TSC1: variants seen among roughly 807,000 people sequenced by gnomAD.
TSC1 encodes TSC complex subunit 1.
TSC1 carries 20 observed loss-of-function variants against 124.3 expected under a neutral mutation model. The ratio of observed to expected loss-of-function variants is 0.16; its 90% CI spans 0.11 to 0.23. The LOEUF (loss-of-function observed/expected upper bound fraction) is 0.23. Among genes scored for constraint, TSC1 ranks in the 10% least tolerant of loss-of-function variants. TSC1 has a pLI of 1.00. For synonymous variants in TSC1, 493 were observed against 539.1 expected (o/e 0.91, Z 1.19); for missense variants, 1,124 against 1,448.5 (o/e 0.78, Z 3.64).
chr9:132,903,118 T>C lies in TSC1; in HGVS notation c.2209-331A>G, dbSNP rs1167150651. On this transcript the variant is annotated intron_variant, in intron 17 of 22. Coordinates refer to ENST00000298552, the MANE Select transcript of TSC1 (RefSeq NM_000368.5). This position sits in a 1 kb window ranked among gnomAD's most constrained non-coding sequence, Gnocchi z 5.9. ...ACTGAAACGATGAGCATTTACTGAA[T>C]GCTTGCAGTGTGCTGGGCGCTCAGC... Among the ~76,000 whole-genome samples the C allele has an allele frequency of 2.0e-5, 3 of 152,228 alleles. No individual in the cohort carries two copies. The highest frequency in any genetic ancestry group is 1.3e-4 in the Admixed American group (2 of 15,290).
At position 132,892,646 on chromosome 9, in the gene TSC1, G is replaced by T. The variant is rs1258153183; in HGVS notation, c.*3589C>A. ...CTCCTCCCACCTCTTAGTGCTTTCAGCGAGAAAAGGTGAGTCTCATTACGC... is the reference window on the plus strand; with the variant it reads ...CTCCTCCCACCTCTTAGTGCTTTCATCGAGAAAAGGTGAGTCTCATTACGC... On this transcript the variant is annotated 3_prime_UTR_variant, in exon 23 of 23. Coordinates refer to ENST00000298552, the MANE Select transcript of TSC1 (RefSeq NM_000368.5). The T allele has an allele frequency of 2.1e-5, 5 of 233,250 alleles. No individual in the cohort carries two copies. The highest frequency in any genetic ancestry group is 1.2e-4 in the East Asian group (2 of 16,612). The allele number at this position is 233,250 out of a possible 1,614,324, so 14.4% of individuals were successfully genotyped here.
At chr9:132,942,330 A>C (rs2132496223) in intron 1 of TSC1, 1 of 152,370 alleles carries the variant, frequency 6.6e-6, no homozygotes, top group East Asian at 1.9e-4. Flanking sequence ...AAGGTGTCCG[A>C]ATATGTAGGT....
intron 12 of TSC1, among the ~76,000 whole-genome samples, chr9:132,909,434 T>C (rs972794017): frequency 6.6e-6 from 1 of 152,238 alleles, no homozygotes; most frequent in Non-Finnish European, 1.5e-5. Flanking sequence ...ACACGTTTTT[T>C]AATATCTTGA....
rs1046316073 is a variant in TSC1, at chr9:132,896,935, T to G, written c.2976-181A>C. On this transcript the variant is annotated intron_variant, in intron 22 of 22. Coordinates refer to ENST00000298552, the MANE Select transcript of TSC1 (RefSeq NM_000368.5). The surrounding 1 kb of genome is among the most constrained non-coding windows in gnomAD (Gnocchi z 4.5). ...AAACCTAAATCACAACTAGGGATAG[T>G]AGGTGGCAATCTTAAGTGTGAACAC... Among the ~76,000 whole-genome samples, 1 of 152,142 alleles carries G rather than the reference T, an allele frequency of 6.6e-6. No homozygotes were observed. Among genetic ancestry groups the G allele is most frequent in the Non-Finnish European group, 1.5e-5 (1 of 68,012 alleles).
In TSC1 at chr9:132,900,768, C is replaced by T. The variant is rs1845329722; in HGVS notation, c.2572G>A (p.Val858Ile). 1 of 1,614,162 alleles carries T rather than the reference C, an allele frequency of 6.2e-7. No homozygotes were observed. Among genetic ancestry groups the T allele is most frequent in the African/African-American group, 1.3e-5 (1 of 75,020 alleles). The change falls in exon 20 of 23, where the codon GTC (valine) becomes ATC (isoleucine). Residue 858 changes from valine to isoleucine, a missense_variant. Around this residue, in one of 5 missense-constraint regions of TSC1, gnomAD observed 325 missense variants for 383.4 expected, o/e 0.85. Coordinates refer to ENST00000298552, the MANE Select transcript of TSC1 (RefSeq NM_000368.5). ...LNRQLLVLGE[V>I]NELYLEQLQN... ...AGTTGTTCCAAATAGAGCTCGTTGA[C>T]CTCCCCAAGAACCAACAGCTGCCTG...
At chr9:132,941,014 A>G (rs1588386518) in intron 1 of TSC1, 1 of 152,208 alleles carries the variant, frequency 6.6e-6, no homozygotes, top group Non-Finnish European at 1.5e-5. Flanking sequence ...ACAGAAGGGC[A>G]AAACTGTCCT....
At chr9:132,912,244 A>G in intron 9 of TSC1, 38 bp downstream of exon 9, 1 of 1,610,594 alleles carries the variant, frequency 6.2e-7, no homozygotes, top group Non-Finnish European at 8.5e-7. Flanking sequence ...TCCAGAGACA[A>G]AGTTGCAAAA....
At chr9:132,900,905 CAG>C in intron 19 of TSC1, 68 bp from the exon 20 acceptor site, 3 of 1,608,750 alleles carry the variant, frequency 1.9e-6, no homozygotes, top group Non-Finnish European at 2.5e-6. Context: ...CGTCATTAAA[CAG>C]GGAATCAGCT....
At position 132,906,950 on chromosome 9, in the gene TSC1, A is replaced by T. The variant is rs1845705623; in HGVS notation, c.1334-115T>A. On this transcript the variant is annotated intron_variant, in intron 13 of 22. Coordinates refer to ENST00000298552, the MANE Select transcript of TSC1 (RefSeq NM_000368.5). This position sits in a 1 kb window ranked among gnomAD's most constrained non-coding sequence, Gnocchi z 4.1. ...TAATAACTCTTCATGCTGAACAGAG[A>T]AGGCTGGACATGGCTCTGTCCTGGG... 9.5e-6 allele frequency: 8 copies of T among 842,790 alleles called. No homozygotes were observed. Among genetic ancestry groups the T allele is most frequent in the Non-Finnish European group, 1.4e-5 (7 of 507,030 alleles). The allele number at this position is 842,790 out of a possible 1,614,324, so 52.2% of individuals were successfully genotyped here. A position where few individuals can be genotyped will look rare whatever the true frequency, so the allele number is the denominator to read the frequency against.
rs914628341 is a variant in TSC1 at position 132,905,603 on chromosome 9, C to T, written c.1975G>A (p.Ala659Thr). 2.4e-5 allele frequency: 38 copies of T among 1,614,014 alleles called. No homozygotes were observed. Among genetic ancestry groups the T allele is most frequent in the African/African-American group, 4.0e-5 (3 of 74,936 alleles). Residue 659 changes from alanine to threonine, a missense_variant, in exon 15 of 23, where the codon GCG (alanine) becomes ACG (threonine). By Grantham distance (58) the Ala-to-Thr change is moderately conservative. Coordinates refer to ENST00000298552, the MANE Select transcript of TSC1 (RefSeq NM_000368.5). ...LDRLIQQGAD[A>T]HSKELNKLPL... ...TACTTGTTCAGCTCCTTGCTGTGCG[C>T]GTCTGCTCCCTGCTGTATCAGTCTG...
chr9:132,897,281 A>G lies in TSC1; in HGVS notation c.2878T>C (p.Leu960=), dbSNP rs766383986. Residue 960 remains leucine, a synonymous_variant, in exon 22 of 23, where the codon TTG becomes CTG. Transcript: ENST00000298552. ...CTGCCATATAAATCTAAGATCTCCA[A>G]TTCAAACACCTGGGTTATCCTTTTC... is the stretch of plus-strand genomic sequence containing the variant. ...AQKRITQVFE[L]EILDLYGRLE... 4 of 1,614,230 alleles carry G rather than the reference A, an allele frequency of 2.5e-6. No individual in the cohort carries two copies. The highest frequency in any genetic ancestry group is 3.4e-6 in the Non-Finnish European group (4 of 1,180,044).
rs543892243 is a variant in TSC1 at position 132,897,568 on chromosome 9, T to C, written c.2668A>G (p.Lys890Glu). ...TGCTGGAGAACATGGCTTCTGTTTTTTTCTAGCTCTTTCCGATAGGCGGCT... is the reference window on the plus strand; with the variant it reads ...TGCTGGAGAACATGGCTTCTGTTTTCTTCTAGCTCTTTCCGATAGGCGGCT... ...MKAAYRKELEKNRSHVLQQTQ... is the reference protein window; with the variant it reads ...MKAAYRKELEENRSHVLQQTQ... Residue 890 changes from lysine to glutamate, a missense_variant, in exon 21 of 23, where the codon AAA (lysine) becomes GAA (glutamate). Physicochemically the swap from Lys to Glu is moderately conservative, Grantham distance 56. Around this residue, in one of 5 missense-constraint regions of TSC1, gnomAD observed 325 missense variants for 383.4 expected, o/e 0.85. Coordinates refer to ENST00000298552, the MANE Select transcript of TSC1 (RefSeq NM_000368.5). 6.2e-7 allele frequency: 1 copy of C among 1,603,832 alleles called. No homozygotes were observed. Among genetic ancestry groups the C allele is most frequent in the South Asian group, 1.1e-5 (1 of 87,948 alleles).
At chr9:132,922,142 C>CCAGA in intron 6 of TSC1, among the ~76,000 whole-genome samples, 169 bp from the exon 7 acceptor site, 1 of 152,300 alleles carries the variant, frequency 6.6e-6, no homozygotes, top group Admixed American at 6.5e-5. Flanking sequence ...TCCGAACACA[C>CCAGA]CAGACACCCT....
At chr9:132,926,484 T>C (rs1364713843) in intron 4 of TSC1, 2 of 154,418 alleles carry the variant, frequency 1.3e-5, no homozygotes, top group African/African-American at 2.4e-5. Flanking sequence ...AAGGAAAACA[T>C]GAAGGAGCCC....
intron 12 of TSC1, among the ~76,000 whole-genome samples, chr9:132,908,573 C>T (rs1845784349): frequency 6.6e-6 from 1 of 151,980 alleles, no homozygotes; most frequent in African/African-American, 2.4e-5. Flanking sequence ...CATCAGCTCC[C>T]CGATTAGCTG....
At chr9:132,942,685 T>C (rs1257982231) in intron 1 of TSC1, among the ~76,000 whole-genome samples, 1 of 152,266 alleles carries the variant, frequency 6.6e-6, no homozygotes, top group Non-Finnish European at 1.5e-5. Context: ...CAAGTGTTTA[T>C]GACACCAGGA....
In TSC1 at chr9:132,896,836, A is replaced by C; in HGVS notation, c.2976-82T>G. 6.3e-7 allele frequency: 1 copy of C among 1,599,510 alleles called. No homozygotes were observed. Among genetic ancestry groups the C allele is most frequent in the South Asian group, 1.1e-5 (1 of 90,232 alleles). On this transcript the variant is annotated intron_variant, in intron 22 of 22. Coordinates refer to ENST00000298552, the MANE Select transcript of TSC1 (RefSeq NM_000368.5). This position sits in a 1 kb window ranked among gnomAD's most constrained non-coding sequence, Gnocchi z 4.5. ...AGGATGTGGAATTACACTGACACTC[A>C]CTCACACTGACACTGAACTCCGCTA...
intron 1 of TSC1, among the ~76,000 whole-genome samples, chr9:132,940,057 G>C (rs1847657055): frequency 6.6e-6 from 1 of 152,050 alleles, no homozygotes; most frequent in South Asian, 2.1e-4. Context: ...CATAAACCTT[G>C]GGGAAAAGGC....
In TSC1 at chr9:132,894,459, G is replaced by C. The variant is rs969798422; in HGVS notation, c.*1776C>G. 4 of 228,622 alleles carry C rather than the reference G, an allele frequency of 1.7e-5. 1 individual carries two copies. The allele number at this position is 228,622 out of a possible 1,614,324, so 14.2% of individuals were successfully genotyped here. A position where few individuals can be genotyped will look rare whatever the true frequency, so the allele number is the denominator to read the frequency against. On this transcript the variant is annotated 3_prime_UTR_variant, in exon 23 of 23. Coordinates refer to ENST00000298552, the MANE Select transcript of TSC1 (RefSeq NM_000368.5). ...GTATTGGGTTTTAAGCTTTCCTTTG[G>C]ACAAAGCTGAATTAAATGTGTGGTG... is the stretch of plus-strand genomic sequence containing the variant.
Sources: allele counts gnomAD v4.1 joint callset (sites outside exome capture counted in the v4.1 genomes callset), GRCh38; gene constraint gnomAD v4.1.1; regional missense constraint gnomAD v4.1.1; non-coding constraint Gnocchi (gnomAD v3.1); transcripts MANE v1.5; gene names NCBI Gene and HGNC (gene_info 2026-07-23, HGNC 2026-07-21).